ADCY9: variants seen among roughly 807,000 people sequenced by gnomAD.
ADCY9 encodes adenylate cyclase 9, also known as adenylate cyclase type 9.
A neutral mutation model predicts 101.5 loss-of-function variants in ADCY9; 50 were observed. The ratio of observed to expected loss-of-function variants is 0.49; its 90% CI spans 0.39 to 0.62. ADCY9 has a LOEUF of 0.62. Among genes scored for constraint, ADCY9 ranks in the 20% least tolerant of loss-of-function variants. ADCY9 has a pLI of 0.00. For synonymous variants in ADCY9, 905 were observed against 769.3 expected, an observed-to-expected ratio of 1.18 and a Z score of -2.92; for missense variants, 1,662 against 1,800.4, an observed-to-expected ratio of 0.92 and a Z score of 1.39.
chr16:4,062,979 G>T (rs1224562580), intron 2 of ADCY9, among the ~76,000 whole-genome samples: 1 of 152,174 alleles, frequency 6.6e-6, no homozygotes, highest in Admixed American at 6.5e-5. Flanking sequence ...ACTTTGAACA[G>T]CATTGTCAAC....
chr16:3,988,795 G>A (rs1057013695), intron 6 of ADCY9, among the ~76,000 whole-genome samples, 199 bp downstream of exon 6: 1 of 152,212 alleles, frequency 6.6e-6, no homozygotes, highest in Non-Finnish European at 1.5e-5. Flanking sequence ...TTAAGACAAA[G>A]GACTAAAGAA....
At chr16:3,957,699 G>T (rs1391159167), downstream of ADCY9, among the ~76,000 whole-genome samples, 2 of 152,130 alleles carry the variant, frequency 1.3e-5, no homozygotes, top group East Asian at 3.9e-4. Flanking sequence ...GGAGAATACG[G>T]GATGGGGGTC....
intron 2 of ADCY9, among the ~76,000 whole-genome samples, chr16:4,024,446 T>C (rs1398381799): frequency 6.6e-6 from 1 of 152,224 alleles, no homozygotes. Flanking sequence ...TTGTACGACG[T>C]CAAGCACAGC....
chr16:4,018,146 C>T (rs112397902), intron 2 of ADCY9, among the ~76,000 whole-genome samples: 1,724 of 152,128 alleles, frequency 0.011, 28 homozygotes, highest in African/African-American at 0.04. Context: ...ACCGAGGCTG[C>T]GGAGCCACCT....
intron 2 of ADCY9, among the ~76,000 whole-genome samples, chr16:4,108,360 A>AT (rs869169536): frequency 0.2 from 10,742 of 53,458 alleles, 2,942 homozygotes; most frequent in East Asian, 0.45. Context: ...CCGTTTCTTC[A>AT]TTTTTTTTTT....
chr16:4,115,677 G>T lies in ADCY9; in HGVS notation c.-44+13C>A. 1 of 526,612 alleles carries T rather than the reference G, an allele frequency of 1.9e-6. No individual in the cohort carries two copies. Among genetic ancestry groups the T allele is most frequent in the East Asian group, 3.1e-5 (1 of 32,236 alleles). The allele number at this position is 526,612 out of a possible 1,614,324, so 32.6% of individuals were successfully genotyped here. A position where few individuals can be genotyped will look rare whatever the true frequency, so the allele number is the denominator to read the frequency against. The stretch of plus-strand genomic sequence containing the variant: ...CCCACCTTCGAGGCGCACGAGAACC[G>T]CTCGGGACGGACCTAGAACGCCCGG... On this transcript the variant is annotated intron_variant, in intron 1 of 10. Coordinates refer to ENST00000294016, the MANE Select transcript of ADCY9 (RefSeq NM_001116.4). The surrounding 1 kb of genome is among the most constrained non-coding windows in gnomAD (Gnocchi z 6.2).
chr16:4,079,488 G>C (rs1481446142), intron 2 of ADCY9, among the ~76,000 whole-genome samples: 1 of 152,170 alleles, frequency 6.6e-6, no homozygotes, highest in Non-Finnish European at 1.5e-5. Flanking sequence ...AGAATCTCTT[G>C]AACCCGGGAG....
At chr16:3,958,590 G>T (rs1195515662), downstream of ADCY9, among the ~76,000 whole-genome samples, 2 of 150,220 alleles carry the variant, frequency 1.3e-5, no homozygotes, top group African/African-American at 4.9e-5. Context: ...GATCTTATGG[G>T]CAGCAGCTGC....
intron 2 of ADCY9, among the ~76,000 whole-genome samples, chr16:4,092,223 T>C (rs2056978172): frequency 2.0e-5 from 3 of 152,156 alleles, no homozygotes; most frequent in Non-Finnish European, 4.4e-5. Context: ...TGAGCTGAGA[T>C]CGTGCCACTG....
chr16:4,071,366 C>CAAAAAAAAAAAAAAAAAAAAAAAAAAAA (rs1004438307), intron 2 of ADCY9, among the ~76,000 whole-genome samples: 4 of 89,250 alleles, frequency 4.5e-5, no homozygotes, highest in Non-Finnish European at 9.2e-5. Context: ...AAAAAAAAAT[C>CAAAAAAAAAAAAAAAAAAAAAAAAAAAA]AAAAAAGTTG....
chr16:4,065,645 C>T (rs1320686875), intron 2 of ADCY9, among the ~76,000 whole-genome samples: 1 of 152,240 alleles, frequency 6.6e-6, no homozygotes, highest in Non-Finnish European at 1.5e-5. Flanking sequence ...TATTTTGGCT[C>T]ACTGCAACCT....
At chr16:4,101,672 G>A (rs1055464625) in intron 2 of ADCY9, among the ~76,000 whole-genome samples, 3 of 152,098 alleles carry the variant, frequency 2.0e-5, no homozygotes, top group African/African-American at 4.8e-5. Flanking sequence ...CCTAGTCCTC[G>A]CCTTGCCAAT....
chr16:4,024,675 TG>T (rs1440164356), intron 2 of ADCY9, among the ~76,000 whole-genome samples: 1 of 152,082 alleles, frequency 6.6e-6, no homozygotes, highest in African/African-American at 2.4e-5. Flanking sequence ...AGGCAAAAGC[TG>T]GAGTGGCCTT....
chr16:4,028,127 A>G (rs1227028362), intron 2 of ADCY9, among the ~76,000 whole-genome samples: 2 of 152,182 alleles, frequency 1.3e-5, no homozygotes, highest in East Asian at 3.9e-4. Context: ...TCCTGATTGT[A>G]CTGGTGGCTA....
intron 6 of ADCY9, 61 bp downstream of exon 6, chr16:3,988,933 A>G (rs2056220871): frequency 7.6e-7 from 1 of 1,311,218 alleles, no homozygotes; most frequent in African/African-American, 1.5e-5. Context: ...CTAACAGTGA[A>G]TGACCATGTG....
intron 2 of ADCY9, among the ~76,000 whole-genome samples, chr16:4,052,594 A>G (rs2056708909): frequency 6.6e-6 from 1 of 152,108 alleles, no homozygotes; most frequent in African/African-American, 2.4e-5. Flanking sequence ...ATTAGAATAT[A>G]ACGCCACCAA....
At chr16:4,000,275 A>C (rs1218736433) in intron 3 of ADCY9, among the ~76,000 whole-genome samples, 1 of 152,224 alleles carries the variant, frequency 6.6e-6, no homozygotes, top group Non-Finnish European at 1.5e-5. Context: ...GAGGACACTG[A>C]GACAGAGCAA....
intron 2 of ADCY9, among the ~76,000 whole-genome samples, chr16:4,060,742 C>T (rs1379508613): frequency 1.3e-5 from 2 of 152,014 alleles, no homozygotes; most frequent in Admixed American, 6.6e-5. Flanking sequence ...TGCATTTTGC[C>T]AAAGGTGATC....
chr16:4,106,046 G>A (rs1315146397), intron 2 of ADCY9, among the ~76,000 whole-genome samples: 2 of 152,150 alleles, frequency 1.3e-5, no homozygotes, highest in South Asian at 4.1e-4. Flanking sequence ...GCCTCTAGCG[G>A]GTTTGATGTT....
Sources: gnomAD v4.1 joint callset for allele counts (sites outside exome capture counted in the v4.1 genomes callset) on GRCh38, gnomAD v4.1.1 for gene constraint, Gnocchi (gnomAD v3.1) non-coding constraint, MANE v1.5 for transcripts, NCBI Gene and HGNC (gene_info 2026-07-23, HGNC 2026-07-21) for gene names.